THSD4: variants seen among roughly 807,000 people sequenced by gnomAD.
THSD4 encodes the protein thrombospondin type-1 domain-containing protein 4.
In THSD4, 69 loss-of-function variants were observed where a neutral mutation model predicts 119.0. The observed-to-expected ratio is 0.58, with a 90% CI of 0.48 to 0.71. The LOEUF is 0.71. THSD4 is among the 30% of genes least tolerant of loss of function. THSD4 has a pLI of 0.00. For missense variants in THSD4, 1,393 were observed against 1,391.1 expected, an observed-to-expected ratio of 1.00 and a Z score of -0.02; for synonymous variants, 524 against 540.4, an observed-to-expected ratio of 0.97 and a Z score of 0.42.
intron 11 of THSD4, among the ~76,000 whole-genome samples, chr15:71,739,098 G>GA (rs34273398): frequency 0.13 from 13,527 of 106,282 alleles, 781 homozygotes; most frequent in East Asian, 0.35. Context: ...CAGGATTTCA[G>GA]AAAAAAAAAA....
At chr15:71,238,838 A>G (rs2044128285) in intron 4 of THSD4, among the ~76,000 whole-genome samples, 1 of 152,244 alleles carries the variant, frequency 6.6e-6, no homozygotes, top group Non-Finnish European at 1.5e-5. Context: ...TCTTGTGGTA[A>G]CACTACATTT....
At chr15:71,351,262 C>G (rs2045740527) in intron 6 of THSD4, among the ~76,000 whole-genome samples, 1 of 152,082 alleles carries the variant, frequency 6.6e-6, no homozygotes, top group South Asian at 2.1e-4. Context: ...CAGCAGAAGC[C>G]CAAACCTAGC....
In THSD4 at chr15:71,220,934, G is replaced by T. The variant is rs1317173476; in HGVS notation, c.464+5535G>T. On this transcript the variant is annotated intron_variant, in intron 4 of 17. Coordinates refer to ENST00000261862, the MANE Select transcript of THSD4 (RefSeq NM_024817.3). ...TTTAGTGAGGGCAATGGCAGCCTGG[G>T]GAGGTTCCAGGCTAGGGGGTTCATC... Among the ~76,000 whole-genome samples, 4 of 152,140 alleles carry T rather than the reference G, an allele frequency of 2.6e-5. No individual in the cohort carries two copies. The East Asian group carries it at 7.7e-4, about 29-fold the overall frequency.
chr15:71,443,167 A>G (rs1277559262), intron 7 of THSD4, among the ~76,000 whole-genome samples: 1 of 152,196 alleles, frequency 6.6e-6, no homozygotes, highest in African/African-American at 2.4e-5. Flanking sequence ...TATTCTTGCA[A>G]CTTTTTCTTT....
Position 71,780,521 on chromosome 15 carries a change from AAC to A in THSD4, c.*3149_*3150del. ...ATGGCCTAAGAAATACAACTAAAAAAACAAACAAAAACACCAAAAGAAAAAAA... is the reference window on the plus strand; with the variant it reads ...ATGGCCTAAGAAATACAACTAAAAAAAAACAAAAACACCAAAAGAAAAAAA... On this transcript the variant is annotated 3_prime_UTR_variant, in exon 18 of 18. Transcript: ENST00000261862. 3.2e-6 allele frequency: 1 copy of A among 310,232 alleles called. No homozygotes were observed. The highest frequency in any genetic ancestry group is 4.0e-5 in the Admixed American group (1 of 24,856). The allele number at this position is 310,232 out of a possible 1,614,324, so 19.2% of individuals were successfully genotyped here. A position where few individuals can be genotyped will look rare whatever the true frequency, so the allele number is the denominator to read the frequency against.
chr15:71,526,180 G>A (rs755976046), intron 7 of THSD4, among the ~76,000 whole-genome samples: 4 of 152,060 alleles, frequency 2.6e-5, no homozygotes, highest in South Asian at 2.1e-4. Context: ...ATTGATTGCC[G>A]GTTTCAAGGA....
chr15:71,355,862 C>CTTATT (rs113004232), intron 6 of THSD4, among the ~76,000 whole-genome samples: 7 of 150,490 alleles, frequency 4.7e-5, no homozygotes, highest in Admixed American at 6.6e-5. Context: ...TTAGGTTTTT[C>CTTATT]TTATTTTATT....
chr15:71,275,478 A>G (rs1250032889), intron 6 of THSD4, among the ~76,000 whole-genome samples: 3 of 152,202 alleles, frequency 2.0e-5, no homozygotes, highest in African/African-American at 7.2e-5. Flanking sequence ...TTGAGATATT[A>G]GTATCTGGTG....
chr15:71,688,737 G>C (rs2051976261), intron 8 of THSD4, among the ~76,000 whole-genome samples: 2 of 150,032 alleles, frequency 1.3e-5, no homozygotes, highest in Admixed American at 6.6e-5. Context: ...GTGTGTGTGT[G>C]TGTGTCTGTG....
At position 71,611,457 on chromosome 15, in the gene THSD4, A is replaced by G. The variant is rs559963667; in HGVS notation, c.1153-49073A>G. Among the ~76,000 whole-genome samples, 3 of 152,178 alleles carry G rather than the reference A, an allele frequency of 2.0e-5. No individual in the cohort carries two copies. In the South Asian group the frequency reaches 6.2e-4, roughly 32 times the overall value. Reference sequence around the variant, plus strand: ...GGCAAAAACCCCTATGCTAATTCTCACTCAGCAACCCCTGTGCCCATTCAC... The same window carrying G: ...GGCAAAAACCCCTATGCTAATTCTCGCTCAGCAACCCCTGTGCCCATTCAC... On this transcript the variant is annotated intron_variant, in intron 7 of 17. Coordinates refer to ENST00000261862, the MANE Select transcript of THSD4 (RefSeq NM_024817.3).
At chr15:71,752,154 A>G (rs115155915) in intron 14 of THSD4, among the ~76,000 whole-genome samples, 2,150 of 152,336 alleles carry the variant, frequency 0.014, 52 homozygotes, top group African/African-American at 0.048. Context: ...CACAGAGCAC[A>G]ATACGTACAG....
At chr15:71,609,925 C>T (rs949573271) in intron 7 of THSD4, among the ~76,000 whole-genome samples, 3 of 151,822 alleles carry the variant, frequency 2.0e-5, no homozygotes, top group African/African-American at 7.3e-5. Context: ...CTTCCTATAT[C>T]CCAGGCACTG....
At chr15:71,289,139 T>A (rs2044758385) in intron 6 of THSD4, among the ~76,000 whole-genome samples, 1 of 152,144 alleles carries the variant, frequency 6.6e-6, no homozygotes, top group Non-Finnish European at 1.5e-5. Context: ...CTGTGAAAAC[T>A]GTCCTCATGT....
At chr15:71,349,918 G>A (rs1322294882) in intron 6 of THSD4, among the ~76,000 whole-genome samples, 2 of 152,018 alleles carry the variant, frequency 1.3e-5, no homozygotes, top group Non-Finnish European at 2.9e-5. Context: ...AGGGAAAGAC[G>A]GGGATGGTCC....
intron 7 of THSD4, among the ~76,000 whole-genome samples, chr15:71,475,694 G>A (rs888672311): frequency 2.6e-5 from 4 of 152,242 alleles, no homozygotes; most frequent in Middle Eastern, 3.4e-3. Flanking sequence ...AGCTTGAGGC[G>A]GGAAGTTTGT....
chr15:71,748,394 C>A (rs768884057), intron 13 of THSD4, 27 bp from the exon 14 acceptor site: 6 of 1,612,426 alleles, frequency 3.7e-6, no homozygotes, highest in Non-Finnish European at 3.4e-6. Context: ...CTGCTGGTTC[C>A]CCTGACGTCA....
chr15:71,661,148 C>T (rs369927670), intron 8 of THSD4, among the ~76,000 whole-genome samples: 40 of 152,270 alleles, frequency 2.6e-4, no homozygotes, highest in African/African-American at 9.1e-4. Flanking sequence ...AGGTCTAAAG[C>T]GAAGCCATTT....
At chr15:71,705,861 G>A (rs1381820904) in intron 8 of THSD4, among the ~76,000 whole-genome samples, 5 of 152,198 alleles carry the variant, frequency 3.3e-5, no homozygotes, top group Non-Finnish European at 5.9e-5. Context: ...TATATGCCCT[G>A]AAAGAAATAC....
intron 2 of THSD4, among the ~76,000 whole-genome samples, chr15:71,146,259 T>A (rs2040659671): frequency 6.6e-6 from 1 of 152,206 alleles, no homozygotes; most frequent in African/African-American, 2.4e-5. Flanking sequence ...ATGAACCCGA[T>A]TGTCTTTCTT....
Sources: allele counts gnomAD v4.1 joint callset (sites outside exome capture counted in the v4.1 genomes callset), GRCh38; gene constraint gnomAD v4.1.1; transcripts MANE v1.5; gene names NCBI Gene and HGNC (gene_info 2026-07-23, HGNC 2026-07-21).